The following PIK3CB variants were observed in gnomAD, a reference collection of about 807,000 sequenced individuals.
PIK3CB encodes the protein phosphatidylinositol 4,5-bisphosphate 3-kinase catalytic subunit beta isoform.
Under a neutral mutation model 136.8 loss-of-function variants are expected in PIK3CB, and 39 were observed. The ratio of observed to expected loss-of-function variants is 0.29; its 90% CI spans 0.22 to 0.37. The LOEUF is 0.37. Among genes scored for constraint, PIK3CB ranks in the 10% least tolerant of loss-of-function variants. The pLI is 1.00. For missense variants in PIK3CB, 868 were observed against 1,275.4 expected (o/e 0.68, Z 4.87); for synonymous variants, 428 against 436.6 (o/e 0.98, Z 0.25).
chr3:138,737,817 G>A lies in PIK3CB; in HGVS notation c.691C>T (p.Arg231Cys), dbSNP rs777549389. Reference sequence around the variant, plus strand: ...TCTTCCTTCCCATGAATAGTCAAACGTTTTTGGATTGCCAATTCATTTACT... The same window carrying A: ...TCTTCCTTCCCATGAATAGTCAAACATTTTTGGATTGCCAATTCATTTACT... The part of the protein sequence containing the change: ...IKVNELAIQK[R>C]LTIHGKEDEV... The change falls in exon 6 of 24, where the codon CGT (arginine) becomes TGT (cysteine). Residue 231 changes from arginine (R) to cysteine (C), a missense_variant. Coordinates refer to ENST00000674063, the MANE Select transcript of PIK3CB (RefSeq NM_006219.3). 4 of 1,607,780 alleles carry A rather than the reference G, an allele frequency of 2.5e-6. No homozygotes were observed. Among genetic ancestry groups the A allele is most frequent in the Non-Finnish European group, 2.6e-6 (3 of 1,176,310 alleles).
chr3:138,773,859 C>T (rs1559873036), intron 2 of PIK3CB, among the ~76,000 whole-genome samples: 1 of 152,190 alleles, frequency 6.6e-6, no homozygotes, highest in Non-Finnish European at 1.5e-5. Context: ...GAAACCCATT[C>T]AAGTGAACAG....
rs912381132 is a variant in PIK3CB at position 138,742,605 on chromosome 3, G to A, written c.574C>T (p.Leu192Phe). The change falls in exon 5 of 24, where the codon CTT (leucine) becomes TTT (phenylalanine). Residue 192 changes from leucine to phenylalanine, a missense_variant. Physicochemically the swap from Leu to Phe is conservative, Grantham distance 22. Transcript: ENST00000674063. ...GCTACGATGAGCTTTCCCCCATAAA[G>A]TTTATCTTCTAAGTTTTCAGGGATG... is the stretch of plus-strand genomic sequence containing the variant. ...PSIPENLEDK[L>F]YGGKLIVAVH... is the part of the protein sequence containing the mutation. 3.7e-6 allele frequency: 6 copies of A among 1,605,394 alleles called. No homozygotes were observed. The East Asian group carries it at 6.7e-5, about 18-fold the overall frequency.
chr3:138,721,626 C>G (rs1472119469), intron 8 of PIK3CB, among the ~76,000 whole-genome samples: 1 of 152,156 alleles, frequency 6.6e-6, no homozygotes, highest in African/African-American at 2.4e-5. Context: ...ACAGAATTTC[C>G]TGAAAAACAC....
chr3:138,829,775 G>C (rs1933941454), intron 1 of PIK3CB, among the ~76,000 whole-genome samples: 1 of 151,968 alleles, frequency 6.6e-6, no homozygotes, highest in South Asian at 2.1e-4. Context: ...CAACAAGAGC[G>C]AAACTCCATC....
At chr3:138,668,985 T>C (rs1336629105) in intron 19 of PIK3CB, among the ~76,000 whole-genome samples, 2 of 152,244 alleles carry the variant, frequency 1.3e-5, no homozygotes, top group Non-Finnish European at 2.9e-5. Context: ...GTCTGAGTAG[T>C]ACCTTAGCCA....
chr3:138,684,869 T>C (rs2043851265), intron 16 of PIK3CB, 66 bp from the exon 17 acceptor site: 3 of 1,126,806 alleles, frequency 2.7e-6, no homozygotes, highest in Non-Finnish European at 3.9e-6. Flanking sequence ...CATGTGATCA[T>C]ATCAATCAAT....
rs192233596 is a variant in PIK3CB, at chr3:138,655,253, T to A, written c.*136A>T. The A allele has an allele frequency of 4.4e-5, 36 of 821,626 alleles. No individual in the cohort carries two copies. The highest frequency in any genetic ancestry group is 5.3e-4 in the Middle Eastern group (2 of 3,740). The allele number at this position is 821,626 out of a possible 1,614,324, so 50.9% of individuals were successfully genotyped here. A position where few individuals can be genotyped will look rare whatever the true frequency, so the allele number is the denominator to read the frequency against. ...TCAGATTAGGTTCTGTGGGATGCCT[T>A]GTTCTTAATTTAACTCTGAGTTCCA... On this transcript the variant is annotated 3_prime_UTR_variant, in exon 24 of 24. Transcript: ENST00000674063.
At chr3:138,729,049 G>A (rs1459188452) in intron 8 of PIK3CB, among the ~76,000 whole-genome samples, 2 of 152,136 alleles carry the variant, frequency 1.3e-5, no homozygotes, top group Non-Finnish European at 2.9e-5. Context: ...GGAAGGCTGA[G>A]GTGGGTGGAT....
chr3:138,688,433 G>A (rs571134803), intron 16 of PIK3CB, among the ~76,000 whole-genome samples: 102 of 150,130 alleles, frequency 6.8e-4, no homozygotes, highest in African/African-American at 2.2e-3. Flanking sequence ...CCCGGGAGGC[G>A]GAGGTCGCAG....
At chr3:138,831,109 C>T (rs1576439041) in intron 1 of PIK3CB, among the ~76,000 whole-genome samples, 1 of 134,112 alleles carries the variant, frequency 7.5e-6, no homozygotes, top group Non-Finnish European at 1.6e-5. Context: ...GGTGAAACCC[C>T]GTCTCTACTA....
At chr3:138,782,323 C>T (rs1363547651) in intron 2 of PIK3CB, among the ~76,000 whole-genome samples, 2 of 152,226 alleles carry the variant, frequency 1.3e-5, no homozygotes, top group Admixed American at 1.3e-4. Flanking sequence ...CTACCTTTAG[C>T]ATCTCATAAT....
chr3:138,741,363 T>G (rs1313401039), intron 5 of PIK3CB, among the ~76,000 whole-genome samples: 1 of 152,154 alleles, frequency 6.6e-6, no homozygotes, highest in African/African-American at 2.4e-5. Context: ...ACAACAACGC[T>G]TGTAAGGTTG....
intron 16 of PIK3CB, among the ~76,000 whole-genome samples, chr3:138,688,230 G>A (rs904727559): frequency 7.2e-5 from 11 of 152,236 alleles, no homozygotes; most frequent in African/African-American, 2.6e-4. Context: ...AGCCAGGTAC[G>A]GTGGCTCACA....
chr3:138,701,021 A>G (rs1243433168), intron 12 of PIK3CB, among the ~76,000 whole-genome samples: 1 of 152,138 alleles, frequency 6.6e-6, no homozygotes, highest in African/African-American at 2.4e-5. Context: ...TAACTTCCAG[A>G]GTAGTGGTAA....
At chr3:138,671,592 C>G (rs1664904686) in intron 19 of PIK3CB, among the ~76,000 whole-genome samples, 1 of 152,204 alleles carries the variant, frequency 6.6e-6, no homozygotes, top group South Asian at 2.1e-4. Context: ...CATTTCAATG[C>G]CCACCAAAAA....
Position 138,734,713 on chromosome 3 carries a change from A to G in PIK3CB, c.893T>C (p.Ile298Thr). ...TCGATTTATGGCAGCCTCTATGGCA[A>G]TCATTTCTTGTTCATACATTTTCTT... Reference protein sequence around the residue: ...KIKKMYEQEMIAIEAAINRNS... With the variant: ...KIKKMYEQEMTAIEAAINRNS... The change falls in exon 7 of 24, where the codon ATT becomes ACT. Residue 298 changes from isoleucine to threonine, a missense_variant. Physicochemically the swap from Ile to Thr is moderately conservative, Grantham distance 89 (BLOSUM62 -1). Around this residue, in one of 4 missense-constraint regions of PIK3CB, gnomAD observed 612 missense variants for 801.1 expected, o/e 0.76. Coordinates refer to ENST00000674063, the MANE Select transcript of PIK3CB (RefSeq NM_006219.3). 6.2e-7 allele frequency: 1 copy of G among 1,613,236 alleles called. No individual in the cohort carries two copies. Among genetic ancestry groups the G allele is most frequent in the Non-Finnish European group, 8.5e-7 (1 of 1,179,364 alleles).
intron 1 of PIK3CB, among the ~76,000 whole-genome samples, chr3:138,815,312 G>T (rs1311905766): frequency 7.5e-6 from 1 of 133,338 alleles, no homozygotes; most frequent in African/African-American, 2.8e-5. Flanking sequence ...AGCCAAGATT[G>T]TGCCACTGCA....
chr3:138,689,522 C>A (rs908750091), intron 15 of PIK3CB, among the ~76,000 whole-genome samples: 4 of 152,226 alleles, frequency 2.6e-5, no homozygotes, highest in African/African-American at 9.6e-5. Flanking sequence ...AACTCCTGGC[C>A]TCAAGTGATC....
intron 3 of PIK3CB, among the ~76,000 whole-genome samples, chr3:138,756,726 C>T (rs2045575481): frequency 6.6e-6 from 1 of 152,046 alleles, no homozygotes; most frequent in Admixed American, 6.6e-5. Flanking sequence ...GATTCAGTTA[C>T]ATAAAACATA....
Sources: allele counts gnomAD v4.1 joint callset (sites outside exome capture counted in the v4.1 genomes callset), GRCh38; gene constraint gnomAD v4.1.1; regional missense constraint gnomAD v4.1.1; transcripts MANE v1.5; gene names NCBI Gene and HGNC (gene_info 2026-07-23, HGNC 2026-07-21).